The following IFNAR1 variants were observed in gnomAD, a reference collection of about 807,000 sequenced individuals.
The protein encoded by IFNAR1 is interferon alpha and beta receptor subunit 1.
IFNAR1 carries 47 observed loss-of-function variants against 62.1 expected under a neutral mutation model. The ratio of observed to expected loss-of-function variants is 0.76; its 90% CI spans 0.60 to 0.97. IFNAR1 has a LOEUF of 0.97. Ranked by LOEUF, IFNAR1 falls within the 50% of genes least tolerant of loss-of-function variation. The pLI is 0.00. For synonymous variants in IFNAR1, 219 were observed against 226.9 expected (o/e 0.97, Z 0.31); for missense variants, 638 against 654.5 (o/e 0.97, Z 0.27).
intron 6 of IFNAR1, 145 bp downstream of exon 6, chr21:33,345,505 T>G: frequency 1.6e-6 from 1 of 641,004 alleles, no homozygotes; most frequent in Non-Finnish European, 2.8e-6. Context: ...AAATCTCATT[T>G]CTAACCCCAG....
chr21:33,353,611 T>G, intron 9 of IFNAR1, 27 bp from the exon 10 acceptor site: 1 of 1,380,094 alleles, frequency 7.2e-7, no homozygotes. Flanking sequence ...TCAAAATATA[T>G]GCTAAATATC....
At chr21:33,325,182 A>T in intron 1 of IFNAR1, 51 bp downstream of exon 1, 1 of 1,497,342 alleles carries the variant, frequency 6.7e-7, no homozygotes, top group South Asian at 1.2e-5. Flanking sequence ...TAGGGCACGC[A>T]GCTGGGCTAC....
chr21:33,324,412 A>T (rs1443752399), upstream of IFNAR1: 3 of 153,480 alleles, frequency 2.0e-5, no homozygotes, highest in East Asian at 5.7e-4. Flanking sequence ...CTCTGCACAC[A>T]GCAACGGTCT....
chr21:33,324,892 G>GGTGTGTGTGTGTGTGTGTGT (rs36158718), upstream of IFNAR1: 26,471 of 569,472 alleles, frequency 0.046, 368 homozygotes, highest in East Asian at 0.076. Flanking sequence ...GCGGAGGGGC[G>GGTGTGTGTGTGTGTGTGTGT]GTGTGTGTGT....
chr21:33,341,751 G>A lies in IFNAR1; in HGVS notation c.376+577G>A, dbSNP rs549692341. On this transcript the variant is annotated intron_variant, in intron 3 of 10. Coordinates refer to ENST00000270139, the MANE Select transcript of IFNAR1 (RefSeq NM_000629.3). ...GGCTGGAGTGCAATGGCACAATCAC[G>A]GCTCACTACAGCCTCTGCCTCCTGG... Among the ~76,000 whole-genome samples, 6 of 151,994 alleles carry A rather than the reference G, an allele frequency of 3.9e-5. No homozygotes were observed. In the South Asian group the frequency reaches 8.3e-4, roughly 21 times the overall value.
At chr21:33,350,530 T>C (rs1413391297) in intron 8 of IFNAR1, among the ~76,000 whole-genome samples, 2 of 152,130 alleles carry the variant, frequency 1.3e-5, no homozygotes, top group Non-Finnish European at 2.9e-5. Context: ...AAAAAAGGGT[T>C]GACAAACACT....
At chr21:33,325,937 A>G (rs2083122309) in intron 1 of IFNAR1, among the ~76,000 whole-genome samples, 1 of 152,174 alleles carries the variant, frequency 6.6e-6, no homozygotes, top group Admixed American at 6.5e-5. Flanking sequence ...CTAGTTTTTC[A>G]GATTAACTTT....
chr21:33,340,337 A>G (rs1488667690), intron 2 of IFNAR1, among the ~76,000 whole-genome samples: 1 of 152,000 alleles, frequency 6.6e-6, no homozygotes, highest in African/African-American at 2.4e-5. Context: ...ATCAAATCCA[A>G]TTCCCCAGTT....
chr21:33,351,216 A>G (rs1220885912), intron 8 of IFNAR1, among the ~76,000 whole-genome samples: 1 of 152,226 alleles, frequency 6.6e-6, no homozygotes, highest in East Asian at 1.9e-4. Flanking sequence ...GCTGTTTGGC[A>G]AATACTTGGG....
At chr21:33,340,868 A>G (rs899171180) in intron 2 of IFNAR1, 131 bp from the exon 3 acceptor site, 4 of 618,006 alleles carry the variant, frequency 6.5e-6, no homozygotes, top group Non-Finnish European at 8.4e-6. Flanking sequence ...TCTTAAACCA[A>G]AAATAGAAAT....
Position 33,325,196 on chromosome 21 carries a change from G to C in IFNAR1, c.76+65G>C, listed in dbSNP as rs148956118. 7.5e-3 allele frequency: 10,514 copies of C among 1,393,740 alleles called. 69 individuals are homozygous for C. The highest frequency in any genetic ancestry group is 9.1e-3 in the Non-Finnish European group (9,045 of 997,878). 86.3% of individuals were successfully genotyped at this position (1,393,740 alleles called of 1,614,324 possible). ...GTAGGGCACGCAGCTGGGCTACGGG[G>C]GCGGCGATGCTGTTGGGGGCGACAG... On this transcript the variant is annotated intron_variant, in intron 1 of 10. Coordinates refer to ENST00000270139, the MANE Select transcript of IFNAR1 (RefSeq NM_000629.3).
intron 2 of IFNAR1, among the ~76,000 whole-genome samples, chr21:33,339,982 T>C (rs2083279522): frequency 6.6e-6 from 1 of 151,560 alleles, no homozygotes; most frequent in African/African-American, 2.4e-5. Context: ...TATCCCTCAC[T>C]TTCCCTGCAA....
rs2083334560 is a variant in IFNAR1, at chr21:33,345,272, A to G, written c.700A>G (p.Asn234Asp). The change falls in exon 6 of 11, where the codon AAT becomes GAT. Residue 234 changes from asparagine (N) to aspartate (D), a missense_variant. Transcript: ENST00000270139. The part of the protein sequence containing the change: ...TVENELPPPE[N>D]IEVSVQNQNY... The stretch of plus-strand genomic sequence containing the variant: ...TGAAAATGAACTACCTCCACCAGAA[A>G]ATATAGAAGTCAGTGTCCAAAATCA... The G allele has an allele frequency of 6.3e-7, 1 of 1,594,156 alleles. No individual in the cohort carries two copies. The highest frequency in any genetic ancestry group is 1.7e-5 in the Admixed American group (1 of 59,558).
At chr21:33,348,531 G>A (rs1344465673) in intron 6 of IFNAR1, among the ~76,000 whole-genome samples, 1 of 152,046 alleles carries the variant, frequency 6.6e-6, no homozygotes, top group Non-Finnish European at 1.5e-5. Context: ...TTTAGTAATG[G>A]TTTTTCTTTA....
At chr21:33,324,733 GAA>G (rs1269505456), upstream of IFNAR1, 1 of 402,328 alleles carries the variant, frequency 2.5e-6, no homozygotes, top group Non-Finnish European at 4.6e-6. Flanking sequence ...CCATAGGCCG[GAA>G]AGAGTGAGGA....
rs778680285 is a variant in IFNAR1 at position 33,343,645 on chromosome 21, C to T, written c.642C>T (p.Val214=). Residue 214 remains valine, a synonymous_variant, in exon 5 of 11, where the codon GTC becomes GTT. Coordinates refer to ENST00000270139, the MANE Select transcript of IFNAR1 (RefSeq NM_000629.3). ...AALLTSWKIG[V]YSPVHCIKTT... Reference sequence around the variant, plus strand: ...TACTTACGTCATGGAAAATTGGTGTCTATAGTCCAGTACATTGTATAAAGA... The same window carrying T: ...TACTTACGTCATGGAAAATTGGTGTTTATAGTCCAGTACATTGTATAAAGA... 1 of 1,608,688 alleles carries T rather than the reference C, an allele frequency of 6.2e-7. No individual in the cohort carries two copies. The highest frequency in any genetic ancestry group is 8.5e-7 in the Non-Finnish European group (1 of 1,175,746).
Position 33,333,626 on chromosome 21 carries a change from C to CT in IFNAR1, c.77-1883dup, listed in dbSNP as rs377630675. On this transcript the variant is annotated intron_variant, in intron 1 of 10. Transcript: ENST00000270139. ...AGACTGGCGGAATATTTTTTTTTTTCTTTTTTTTTTTTTTTGAGACGGAGT... is the reference window on the plus strand; with the variant it reads ...AGACTGGCGGAATATTTTTTTTTTTCTTTTTTTTTTTTTTTTGAGACGGAGT... Among the ~76,000 whole-genome samples, 300 of 97,416 alleles carry CT rather than the reference C, an allele frequency of 3.1e-3. 7 individuals are homozygous for CT. The highest frequency in any genetic ancestry group is 0.01 in the African/African-American group (231 of 22,630). The allele number at this position is 97,416 out of a possible 152,430, so 63.9% of individuals were successfully genotyped here. A position where few individuals can be genotyped will look rare whatever the true frequency, so the allele number is the denominator to read the frequency against.
At chr21:33,340,889 C>T in intron 2 of IFNAR1, 110 bp from the exon 3 acceptor site, 2 of 678,642 alleles carry the variant, frequency 2.9e-6, no homozygotes, top group Non-Finnish European at 5.0e-6. Context: ...AACTCTTAAA[C>T]AAGAGTTATT....
In IFNAR1 at chr21:33,345,247, T is replaced by C. The variant is rs2083334300; in HGVS notation, c.675T>C (p.Val225=). 6.7e-7 allele frequency: 1 copy of C among 1,500,350 alleles called. No homozygotes were observed. The highest frequency in any genetic ancestry group is 1.4e-5 in the African/African-American group (1 of 72,394). The allele number at this position is 1,500,350 out of a possible 1,614,324, so 92.9% of individuals were successfully genotyped here. A position where few individuals can be genotyped will look rare whatever the true frequency, so the allele number is the denominator to read the frequency against. ...TTTTATCTGTTCTTTGGCTTCTAGT[T>C]GAAAATGAACTACCTCCACCAGAAA... is the stretch of plus-strand genomic sequence containing the variant. ...YSPVHCIKTT[V]ENELPPPENI... The change falls in exon 6 of 11, where the codon GTT becomes GTC. Residue 225 remains valine, a splice_region_variant and synonymous_variant. Coordinates refer to ENST00000270139, the MANE Select transcript of IFNAR1 (RefSeq NM_000629.3).
Sources: allele counts gnomAD v4.1 joint callset (sites outside exome capture counted in the v4.1 genomes callset), GRCh38; gene constraint gnomAD v4.1.1; transcripts MANE v1.5; gene names NCBI Gene and HGNC (gene_info 2026-07-23, HGNC 2026-07-21).